SETDB2: variants seen among roughly 807,000 people sequenced by gnomAD.
The protein encoded by SETDB2 is SET domain bifurcated histone lysine methyltransferase 2, also known as histone-lysine N-methyltransferase SETDB2.
SETDB2 carries 56 observed loss-of-function variants against 82.5 expected under a neutral mutation model. The ratio of observed to expected loss-of-function variants is 0.68; its 90% CI spans 0.55 to 0.85. The LOEUF (loss-of-function observed/expected upper bound fraction) is 0.85. Ranked by LOEUF, SETDB2 falls within the 40% of genes least tolerant of loss-of-function variation. The pLI is 0.00. For missense variants in SETDB2, 677 were observed against 816.4 expected, an observed-to-expected ratio of 0.83 and a Z score of 2.08; for synonymous variants, 272 against 284.9, an observed-to-expected ratio of 0.95 and a Z score of 0.46.
chr13:49,463,962 A>G (rs1958050142), intron 4 of SETDB2: 2 of 712,786 alleles, frequency 2.8e-6, no homozygotes, highest in Non-Finnish European at 5.2e-6. Context: ...ATCCTAATAC[A>G]GGAAAGCTTA....
At chr13:49,457,597 C>G (rs1329066131) in intron 2 of SETDB2, among the ~76,000 whole-genome samples, 1 of 151,966 alleles carries the variant, frequency 6.6e-6, no homozygotes, top group East Asian at 1.9e-4. Flanking sequence ...CCACGCCCAG[C>G]TAACTTTTTT....
chr13:49,486,141 C>G (rs939238982), intron 11 of SETDB2, among the ~76,000 whole-genome samples: 3 of 151,954 alleles, frequency 2.0e-5, no homozygotes, highest in Non-Finnish European at 4.4e-5. Context: ...AAGATCTTGT[C>G]TCAACAACAA....
chr13:49,445,239 GT>G (rs1321980285), intron 1 of SETDB2, among the ~76,000 whole-genome samples: 1 of 152,156 alleles, frequency 6.6e-6, no homozygotes, highest in Non-Finnish European at 1.5e-5. Context: ...ATAAGAACAC[GT>G]GAAGTAGTTA....
chr13:49,488,562 A>G lies in SETDB2; in HGVS notation c.1849A>G (p.Lys617Glu), dbSNP rs1958640534. ...GAATACTTCATCTGATTCTCTAACA[A>G]AGTTCAATAAAGGGAATGTGTTTTT... The part of the protein sequence containing the change: ...TKNTSSDSLT[K>E]FNKGNVFLLD... Residue 617 changes from lysine (K) to glutamate (E), a missense_variant, in exon 12 of 14, where the codon AAG (lysine) becomes GAG (glutamate). Physicochemically the swap from Lys to Glu is moderately conservative, Grantham distance 56 (BLOSUM62 1). This residue lies in a region of SETDB2 where 420 missense variants were observed against 554.6 expected (regional missense o/e 0.76). Coordinates refer to ENST00000611815, the MANE Select transcript of SETDB2 (RefSeq NM_001160308.3). 1 of 1,611,354 alleles carries G rather than the reference A, an allele frequency of 6.2e-7. No individual in the cohort carries two copies. The highest frequency in any genetic ancestry group is 8.5e-7 in the Non-Finnish European group (1 of 1,179,288).
At chr13:49,451,934 A>C in intron 2 of SETDB2, 25 bp downstream of exon 2, 1 of 1,549,110 alleles carries the variant, frequency 6.5e-7, no homozygotes, top group Non-Finnish European at 8.8e-7. Flanking sequence ...ACACTGTTAC[A>C]CTTTATATCT....
chr13:49,468,748 A>G (rs1209218435), intron 5 of SETDB2, among the ~76,000 whole-genome samples: 1 of 152,008 alleles, frequency 6.6e-6, no homozygotes, highest in African/African-American at 2.4e-5. Context: ...ATTTACAAAT[A>G]TTAGAGATGT....
At chr13:49,473,779 C>T (rs1958297525) in intron 5 of SETDB2, among the ~76,000 whole-genome samples, 1 of 152,028 alleles carries the variant, frequency 6.6e-6, no homozygotes, top group South Asian at 2.1e-4. Context: ...GAATGTATTA[C>T]AGTGAATTCT....
chr13:49,481,073 T>C lies in SETDB2; in HGVS notation c.1113T>C (p.Cys371=), dbSNP rs1342704218. Residue 371 remains cysteine, a synonymous_variant, in exon 8 of 14, where the codon TGT becomes TGC. Coordinates refer to ENST00000611815, the MANE Select transcript of SETDB2 (RefSeq NM_001160308.3). ...KTEQKGWGVR[C]LDDIDRGTFV... is the part of the protein sequence containing the mutation. ...AGCAGAAGGGATGGGGTGTACGCTGTCTAGATGACATTGACAGAGGGACAT... is the reference window on the plus strand; with the variant it reads ...AGCAGAAGGGATGGGGTGTACGCTGCCTAGATGACATTGACAGAGGGACAT... 1 of 1,613,836 alleles carries C rather than the reference T, an allele frequency of 6.2e-7. No homozygotes were observed. The highest frequency in any genetic ancestry group is 8.5e-7 in the Non-Finnish European group (1 of 1,179,822).
In SETDB2 at chr13:49,492,948, ACTCT is replaced by A. The variant is rs201256876; in HGVS notation, c.*1105_*1108del. Reference sequence around the variant, plus strand: ...CTTCCAGCCTGGGCAATAGAGCAAGACTCTCTCTCAAAAAAAACAGCACACACAC... The same window carrying A: ...CTTCCAGCCTGGGCAATAGAGCAAGACTCTCAAAAAAAACAGCACACACAC... On this transcript the variant is annotated 3_prime_UTR_variant, in exon 14 of 14. Coordinates refer to ENST00000611815, the MANE Select transcript of SETDB2 (RefSeq NM_001160308.3). 1.6e-5 allele frequency: 2 copies of A among 124,688 alleles called. No individual in the cohort carries two copies. The highest frequency in any genetic ancestry group is 1.8e-4 in the Admixed American group (2 of 11,020). The allele number at this position is 124,688 out of a possible 1,614,324, so 7.7% of individuals were successfully genotyped here.
At chr13:49,489,881 C>T (rs1358884930) in intron 12 of SETDB2, among the ~76,000 whole-genome samples, 1 of 142,814 alleles carries the variant, frequency 7.0e-6, no homozygotes, top group African/African-American at 2.6e-5. Context: ...CAGGTGTGAG[C>T]CACCGCACCT....
At chr13:49,478,926 C>T (rs889055611) in intron 6 of SETDB2, among the ~76,000 whole-genome samples, 2 of 151,860 alleles carry the variant, frequency 1.3e-5, no homozygotes, top group East Asian at 1.9e-4. Flanking sequence ...GACCCCTTCT[C>T]AAAAAAGAAA....
rs987360680 is a variant in SETDB2, at chr13:49,469,486, G to A, written c.305+1526G>A. On this transcript the variant is annotated intron_variant, in intron 5 of 13. Transcript: ENST00000611815. ...TTTTTCTCACCTACTTGTTAACTCA[G>A]CACCTAGTGTTGGTTGGCCTTTTAA... 3.3e-5 allele frequency among the ~76,000 whole-genome samples: 5 copies of A among 152,288 alleles called. No homozygotes were observed. The East Asian group carries it at 9.6e-4, about 29-fold the overall frequency.
chr13:49,467,623 A>G (rs544502879), intron 4 of SETDB2, among the ~76,000 whole-genome samples: 44 of 152,344 alleles, frequency 2.9e-4, no homozygotes, highest in African/African-American at 1.1e-3. Flanking sequence ...AATCAAGTTC[A>G]GGCCAAACTA....
At chr13:49,463,736 A>G (rs1958045172) in intron 4 of SETDB2, among the ~76,000 whole-genome samples, 1 of 152,204 alleles carries the variant, frequency 6.6e-6, no homozygotes, top group African/African-American at 2.4e-5. Flanking sequence ...ACCACTGCTT[A>G]GATAAAACAG....
rs1378783393 is a variant in SETDB2 at position 49,471,934 on chromosome 13, A to ATAT, written c.305+3975_305+3976insATT. 8.2e-3 allele frequency among the ~76,000 whole-genome samples: 972 copies of ATAT among 119,228 alleles called. 17 individuals carry two copies. The highest frequency in any genetic ancestry group is 0.03 in the African/African-American group (841 of 27,744). The allele number at this position is 119,228 out of a possible 152,430, so 78.2% of individuals were successfully genotyped here. The stretch of plus-strand genomic sequence containing the variant: ...GTGACATATATATATATATATATAT[A>ATAT]TTTTTTTTTTTTTTTAAATAGAGAC... On this transcript the variant is annotated intron_variant, in intron 5 of 13. Transcript: ENST00000611815.
chr13:49,447,972 TA>T (rs1255121693), intron 1 of SETDB2, among the ~76,000 whole-genome samples: 1 of 152,098 alleles, frequency 6.6e-6, no homozygotes, highest in East Asian at 1.9e-4. Flanking sequence ...CCTAGTGTAC[TA>T]GCAGTGAAAA....
intron 1 of SETDB2, among the ~76,000 whole-genome samples, chr13:49,448,331 AT>A (rs1957730203): frequency 6.6e-6 from 1 of 152,060 alleles, no homozygotes; most frequent in Non-Finnish European, 1.5e-5. Flanking sequence ...ATCTATCTTC[AT>A]TTGTTATTAT....
intron 5 of SETDB2, among the ~76,000 whole-genome samples, chr13:49,473,578 T>C (rs1594161122): frequency 6.9e-6 from 1 of 145,230 alleles, no homozygotes. Flanking sequence ...AAAAAATTCA[T>C]AGGCAAAATG....
At chr13:49,484,529 CG>C (rs1202480847) in intron 10 of SETDB2, among the ~76,000 whole-genome samples, 5 of 152,114 alleles carry the variant, frequency 3.3e-5, no homozygotes. Context: ...TTTGGCCTCC[CG>C]AAGTGCTGGG....
Sources: allele counts gnomAD v4.1 joint callset (sites outside exome capture counted in the v4.1 genomes callset), GRCh38; gene constraint gnomAD v4.1.1; regional missense constraint gnomAD v4.1.1; transcripts MANE v1.5; gene names NCBI Gene and HGNC (gene_info 2026-07-23, HGNC 2026-07-21).